ERI2: variants seen among roughly 807,000 people sequenced by gnomAD.
ERI2 encodes ERI1 exoribonuclease family member 2.
ERI2 carries 35 observed loss-of-function variants against 46.8 expected under a neutral mutation model. The ratio of observed to expected loss-of-function variants is 0.75; its 90% confidence interval spans 0.57 to 0.99. The LOEUF (loss-of-function observed/expected upper bound fraction) is 0.99, where lower values mean the gene tolerates loss of function less well. Among genes scored for constraint, ERI2 ranks in the 50% least tolerant of loss-of-function variants. ERI2 has a pLI of 0.00. For synonymous variants in ERI2, 224 were observed against 271.0 expected, an observed-to-expected ratio of 0.83 and a Z score of 1.70; for missense variants, 695 against 796.2, an observed-to-expected ratio of 0.87 and a Z score of 1.53.
At chr16:20,788,729 C>G (rs945084470) in intron 10 of ERI2, among the ~76,000 whole-genome samples, 1 of 152,134 alleles carries the variant, frequency 6.6e-6, no homozygotes, top group African/African-American at 2.4e-5. Flanking sequence ...ATGATTCTCC[C>G]CAGACACAGA....
At chr16:20,802,025 C>A (rs1206754853) in intron 4 of ERI2, among the ~76,000 whole-genome samples, 1 of 149,072 alleles carries the variant, frequency 6.7e-6, no homozygotes, top group African/African-American at 2.4e-5. Context: ...TCCCAAAGTA[C>A]TGAGATTACA....
exon 11 of ERI2, chr16:20,780,638 C>T: frequency 1.2e-6 from 2 of 1,613,472 alleles, no homozygotes; most frequent in Non-Finnish European, 1.7e-6. Context: ...AAGTGGAGAG[C>T]TTCTCAAAAT....
chr16:20,783,308 A>G (rs1173923368), intron 10 of ERI2: 1 of 152,196 alleles, frequency 6.6e-6, no homozygotes, highest in Non-Finnish European at 1.5e-5. Flanking sequence ...TGGGCCAGGA[A>G]CCCAGGATGA....
chr16:20,802,784 T>C lies in ERI2; in HGVS notation c.303+12A>G, dbSNP rs1315279106. On this transcript the variant is annotated intron_variant, in intron 4 of 8. Transcript: ENST00000357967. ...TGAAACTGACTTCTGAATTTTAAGA[T>C]TTGCATCATACCTGCTTTATGCCTG... 2 of 1,577,232 alleles carry C rather than the reference T, an allele frequency of 1.3e-6. No homozygotes were observed. The highest frequency in any genetic ancestry group is 1.7e-6 in the Non-Finnish European group (2 of 1,161,346).
intron 10 of ERI2, chr16:20,785,048 G>A (rs1465534976): frequency 6.2e-7 from 1 of 1,613,540 alleles, no homozygotes; most frequent in Admixed American, 1.7e-5. Context: ...TGACGTGACT[G>A]AAAAATGGAG....
intron 9 of ERI2, among the ~76,000 whole-genome samples, chr16:20,789,923 C>T (rs1487285255): frequency 2.0e-5 from 3 of 151,840 alleles, no homozygotes; most frequent in African/African-American, 7.3e-5. Context: ...ATCCACCCGC[C>T]TCGGCCTCCC....
At chr16:20,799,856 G>A in intron 7 of ERI2, 101 bp downstream of exon 7, 1 of 672,668 alleles carries the variant, frequency 1.5e-6, no homozygotes, top group East Asian at 2.7e-5. Context: ...TTTTTTTTAG[G>A]CTGAAGATAT....
chr16:20,784,950 C>T (rs1435480759), intron 10 of ERI2: 2 of 1,581,996 alleles, frequency 1.3e-6, no homozygotes, highest in Admixed American at 3.9e-5. Flanking sequence ...TCCATTTTTC[C>T]TCCTAAATCT....
intron 5 of ERI2, 125 bp downstream of exon 5, chr16:20,801,078 T>G: frequency 1.1e-6 from 1 of 870,688 alleles, no homozygotes; most frequent in Non-Finnish European, 1.6e-6. Flanking sequence ...GCATTTAAAT[T>G]TTTTTTCCTA....
chr16:20,791,882 C>A, downstream of ERI2: 1 of 1,170,954 alleles, frequency 8.5e-7, no homozygotes, highest in Non-Finnish European at 1.2e-6. Context: ...AAGCCAAGAT[C>A]GTACTACTGC....
At chr16:20,805,157 G>A (rs1201302289) in intron 1 of ERI2, among the ~76,000 whole-genome samples, 2 of 152,154 alleles carry the variant, frequency 1.3e-5, no homozygotes, top group Non-Finnish European at 2.9e-5. Flanking sequence ...CAGGCACCGT[G>A]GCTCACACCT....
chr16:20,794,061 C>T (rs1381281328), downstream of ERI2, among the ~76,000 whole-genome samples: 2 of 152,122 alleles, frequency 1.3e-5, no homozygotes, highest in East Asian at 1.9e-4. Context: ...TGCAGCATTT[C>T]CTAGTAGAAG....
rs752184551 is a variant in ERI2 at position 20,798,134 on chromosome 16, T to C, written c.1666A>G (p.Lys556Glu). The C allele has an allele frequency of 2.6e-6, 4 of 1,551,570 alleles. No individual in the cohort carries two copies. The highest frequency in any genetic ancestry group is 2.0e-5 in the Admixed American group (1 of 51,004). The part of the protein sequence containing the change: ...KKQPFTIHEE[K>E]PTSSDCSPVR... ...GGGGAGCAATCAGATGATGTAGGCTTTTCTTCATGAATAGTGAAGGGTTGT... is the reference window on the plus strand; with the variant it reads ...GGGGAGCAATCAGATGATGTAGGCTCTTCTTCATGAATAGTGAAGGGTTGT... Residue 556 changes from lysine (K) to glutamate (E), a missense_variant, in exon 9 of 9, where the codon AAG becomes GAG. Physicochemically the swap from Lys to Glu is moderately conservative, Grantham distance 56. Transcript: ENST00000357967.
rs2080568078 is a variant in ERI2 at position 20,790,300 on chromosome 16, A to C, written c.815+550T>G. 6.6e-6 allele frequency among the ~76,000 whole-genome samples: 1 copy of C among 152,168 alleles called. No homozygotes were observed. Among genetic ancestry groups the C allele is most frequent in the African/African-American group, 2.4e-5 (1 of 41,442 alleles). On this transcript the variant is annotated intron_variant, in intron 9 of 10. Coordinates refer to the ERI2 transcript ENST00000300005. This position sits in a 1 kb window ranked among gnomAD's most constrained non-coding sequence, Gnocchi z 4.0. Reference sequence around the variant, plus strand: ...ATCCCTACAAAAAATAAAAATAAACATTAGCTGAGCATAATGACATGTGCT... The same window carrying C: ...ATCCCTACAAAAAATAAAAATAAACCTTAGCTGAGCATAATGACATGTGCT...
At chr16:20,803,734 T>A in intron 1 of ERI2, 64 bp from the exon 2 acceptor site, 1 of 1,544,158 alleles carries the variant, frequency 6.5e-7, no homozygotes, top group South Asian at 1.1e-5. Context: ...TTGAGTAGGC[T>A]ACCAAACTAA....
intron 5 of ERI2, 84 bp from the exon 6 acceptor site, chr16:20,800,486 T>G: frequency 1.3e-6 from 1 of 752,766 alleles, no homozygotes; most frequent in Admixed American, 2.3e-5. Flanking sequence ...AATAGAATGC[T>G]AGAAGATCAT....
Position 20,797,659 on chromosome 16 carries a change from G to T in ERI2, c.*65C>A, listed in dbSNP as rs563758591. The T allele has an allele frequency of 5.9e-5, 85 of 1,435,364 alleles. No individual in the cohort carries two copies. In the African/African-American group the frequency reaches 1.2e-3, roughly 20 times the overall value. The allele number at this position is 1,435,364 out of a possible 1,614,324, so 88.9% of individuals were successfully genotyped here. ...ATAAAATAAAAATAAAATAGTGTAA[G>T]ATGTTATCAGAATACTCATGTTTGG... On this transcript the variant is annotated 3_prime_UTR_variant, in exon 9 of 9. Coordinates refer to ENST00000357967, the MANE Select transcript of ERI2 (RefSeq NM_001142725.2).
chr16:20,790,725 T>C lies in ERI2; in HGVS notation c.815+125A>G. On this transcript the variant is annotated intron_variant, in intron 9 of 10. Coordinates refer to the ERI2 transcript ENST00000300005. This position sits in a 1 kb window ranked among gnomAD's most constrained non-coding sequence, Gnocchi z 4.0. ...ACTAAATAATCTCATTTTCTATTTA[T>C]TTCTCAAGTGCTTGGTAACAATCCC... The C allele has an allele frequency of 6.2e-7, 1 of 1,614,042 alleles. No individual in the cohort carries two copies. The highest frequency in any genetic ancestry group is 8.5e-7 in the Non-Finnish European group (1 of 1,179,912).
chr16:20,800,312 GCT>G lies in ERI2; in HGVS notation c.549_550del (p.Arg183SerfsTer8), dbSNP rs1237978991. 1.2e-6 allele frequency: 2 copies of G among 1,602,810 alleles called. No homozygotes were observed. The highest frequency in any genetic ancestry group is 1.7e-6 in the Non-Finnish European group (2 of 1,172,550). Reference sequence around the variant, plus strand: ...ATTTTTTACCATTACCTTGTAAGTTGCTCTGAGATCAATCCAAGAATTTAAAA... The same window carrying G: ...ATTTTTTACCATTACCTTGTAAGTTGCTGAGATCAATCCAAGAATTTAAAA... On this transcript the variant is annotated frameshift_variant, in exon 6 of 9. Coordinates refer to ENST00000357967, the MANE Select transcript of ERI2 (RefSeq NM_001142725.2). LOFTEE classifies it high-confidence loss of function.
Sources: gnomAD v4.1 joint callset for allele counts (sites outside exome capture counted in the v4.1 genomes callset) on GRCh38, gnomAD v4.1.1 for gene constraint, Gnocchi (gnomAD v3.1) non-coding constraint, MANE v1.5 for transcripts, NCBI Gene and HGNC (gene_info 2026-07-23, HGNC 2026-07-21) for gene names.